IQGAP2: variants seen among roughly 807,000 people sequenced by gnomAD.
The protein encoded by IQGAP2 is ras GTPase-activating-like protein IQGAP2.
IQGAP2 carries 173 observed loss-of-function variants against 201.3 expected under a neutral mutation model. The ratio of observed to expected loss-of-function variants is 0.86; its 90% confidence interval spans 0.76 to 0.98. IQGAP2 has a LOEUF of 0.98. IQGAP2 is among the 50% of genes least tolerant of loss of function. IQGAP2 has a pLI of 0.00. For missense variants in IQGAP2, 1,687 were observed against 1,864.8 expected, an observed-to-expected ratio of 0.90 and a Z score of 1.76; for synonymous variants, 675 against 673.9, an observed-to-expected ratio of 1.00 and a Z score of -0.03.
chr5:76,546,450 T>C (rs1743100828), intron 2 of IQGAP2, among the ~76,000 whole-genome samples: 1 of 151,918 alleles, frequency 6.6e-6, no homozygotes, highest in Non-Finnish European at 1.5e-5. Flanking sequence ...AACAAAACAA[T>C]ACACCACTTT....
rs547361686 is a variant in IQGAP2 at position 76,665,028 on chromosome 5, T to C, written c.2532T>C (p.Asp844=). Reference sequence around the variant, plus strand: ...TAATCTCATCAAATTTTTTACAGGATGTAATTTCACATAGTAAAAAGCTGA... The same window carrying C: ...TAATCTCATCAAATTTTTTACAGGACGTAATTTCACATAGTAAAAAGCTGA... ...LLVKNRITLE[D]VISHSKKLNK... is the part of the protein sequence containing the mutation. The change falls in exon 22 of 36, where the codon GAT becomes GAC. Residue 844 remains aspartate (D), a splice_region_variant and synonymous_variant. Coordinates refer to ENST00000274364, the MANE Select transcript of IQGAP2 (RefSeq NM_006633.5). The C allele has an allele frequency of 8.5e-6, 13 of 1,524,700 alleles. No individual in the cohort carries two copies. In the Admixed American group the frequency reaches 1.4e-4, roughly 16 times the overall value. The allele number at this position is 1,524,700 out of a possible 1,614,324, so 94.4% of individuals were successfully genotyped here.
At chr5:76,689,231 A>T (rs73764708) in intron 30 of IQGAP2, among the ~76,000 whole-genome samples, 190 of 2,688 alleles carry the variant, frequency 0.071, 4 homozygotes, top group Non-Finnish European at 0.088. Context: ...AGGGATATTT[A>T]AAAAAAAAAA....
chr5:76,512,595 A>G (rs1051855407), intron 2 of IQGAP2, among the ~76,000 whole-genome samples: 1 of 152,228 alleles, frequency 6.6e-6, no homozygotes, highest in African/African-American at 2.4e-5. Flanking sequence ...AATTAGTACT[A>G]TAGTGAGACT....
intron 2 of IQGAP2, among the ~76,000 whole-genome samples, chr5:76,502,362 G>A (rs941872913): frequency 3.3e-5 from 5 of 152,228 alleles, no homozygotes; most frequent in Non-Finnish European, 7.3e-5. Context: ...ATTAATATAA[G>A]CATCACCTTC....
At chr5:76,408,813 G>A (rs908427019) in intron 1 of IQGAP2, among the ~76,000 whole-genome samples, 1 of 150,100 alleles carries the variant, frequency 6.7e-6, no homozygotes, top group Non-Finnish European at 1.5e-5. Flanking sequence ...TTTATTTTGA[G>A]ATGGAGTTCC....
At chr5:76,472,067 A>G (rs189951231) in intron 2 of IQGAP2, among the ~76,000 whole-genome samples, 64 of 152,308 alleles carry the variant, frequency 4.2e-4, no homozygotes, top group African/African-American at 1.5e-3. Context: ...CTGGTGGGGC[A>G]GAGGGTGCAG....
At chr5:76,504,808 C>A (rs1757510814) in intron 2 of IQGAP2, among the ~76,000 whole-genome samples, 1 of 152,198 alleles carries the variant, frequency 6.6e-6, no homozygotes, top group South Asian at 2.1e-4. Context: ...TGCTTTCCCT[C>A]TGTATTCAGT....
rs185989041 is a variant in IQGAP2, at chr5:76,582,440, A to G, written c.459-6466A>G. Among the ~76,000 whole-genome samples the G allele has an allele frequency of 2.0e-5, 3 of 152,328 alleles. No homozygotes were observed. In the East Asian group the frequency reaches 5.8e-4, roughly 29 times the overall value. Reference sequence around the variant, plus strand: ...TTACGTGACTTGCTCTTAGTCACACACTGAGGTTTTACCAGTTTTGGGACC... The same window carrying G: ...TTACGTGACTTGCTCTTAGTCACACGCTGAGGTTTTACCAGTTTTGGGACC... On this transcript the variant is annotated intron_variant, in intron 5 of 35. Transcript: ENST00000274364.
At chr5:76,606,877 G>C (rs1445580133) in intron 12 of IQGAP2, 1 of 152,214 alleles carries the variant, frequency 6.6e-6, no homozygotes, top group Non-Finnish European at 1.5e-5. Context: ...TGAAAATAGA[G>C]TGAAGAATGA....
intron 35 of IQGAP2, among the ~76,000 whole-genome samples, chr5:76,705,479 T>G (rs1036478372): frequency 1.3e-5 from 2 of 152,212 alleles, no homozygotes; most frequent in African/African-American, 2.4e-5. Flanking sequence ...GCTCCCTACT[T>G]TGGGGACCCA....
In IQGAP2 at chr5:76,668,451, T is replaced by C. The variant is rs115218811; in HGVS notation, c.2680-230T>C. On this transcript the variant is annotated intron_variant, in intron 22 of 35. Transcript: ENST00000274364. ...TATGATAGGAAGCTAAAGTAGAAAG[T>C]TATATAATATCAGTCTATAGGAAAC... Among the ~76,000 whole-genome samples the C allele has an allele frequency of 3.3e-3, 501 of 151,682 alleles. 3 individuals are homozygous for C. The highest frequency in any genetic ancestry group is 0.012 in the African/African-American group (482 of 41,466).
At chr5:76,569,366 C>T (rs1744955760) in intron 3 of IQGAP2, among the ~76,000 whole-genome samples, 1 of 151,978 alleles carries the variant, frequency 6.6e-6, no homozygotes, top group Admixed American at 6.6e-5. Context: ...ATCTTATTCA[C>T]CCACTAAAGG....
At chr5:76,618,762 T>A (rs1432230055) in intron 13 of IQGAP2, 6 of 875,704 alleles carry the variant, frequency 6.9e-6, no homozygotes, top group Non-Finnish European at 1.0e-5. Flanking sequence ...TTTTAAAAAG[T>A]TATTGTAGAT....
At chr5:76,404,189 G>C (rs1393415279) in intron 1 of IQGAP2, among the ~76,000 whole-genome samples, 1 of 151,672 alleles carries the variant, frequency 6.6e-6, no homozygotes, top group South Asian at 2.1e-4. Context: ...TTTCCCCCCC[G>C]CTCCCCTCGC....
intron 6 of IQGAP2, among the ~76,000 whole-genome samples, 163 bp from the exon 7 acceptor site, chr5:76,589,452 T>G (rs1746487811): frequency 6.6e-6 from 1 of 152,214 alleles, no homozygotes; most frequent in Non-Finnish European, 1.5e-5. Context: ...TCTCCATGTT[T>G]GTGAAATGAG....
At chr5:76,605,268 G>T (rs1747721836) in intron 11 of IQGAP2, among the ~76,000 whole-genome samples, 1 of 152,152 alleles carries the variant, frequency 6.6e-6, no homozygotes, top group Admixed American at 6.5e-5. Flanking sequence ...AAAGTAATTG[G>T]AGTGGTTGAC....
chr5:76,697,666 G>A (rs1205647963), intron 32 of IQGAP2, among the ~76,000 whole-genome samples: 2 of 152,090 alleles, frequency 1.3e-5, no homozygotes, highest in Non-Finnish European at 2.9e-5. Flanking sequence ...TTGCATTTCT[G>A]CTACTTTGTG....
chr5:76,691,433 T>C (rs562277970), intron 30 of IQGAP2: 2 of 152,342 alleles, frequency 1.3e-5, no homozygotes, highest in African/African-American at 4.8e-5. Context: ...AGTTACTATA[T>C]TGACATTTTT....
chr5:76,657,338 C>T (rs1742838282), intron 20 of IQGAP2, among the ~76,000 whole-genome samples: 1 of 152,114 alleles, frequency 6.6e-6, no homozygotes, highest in Admixed American at 6.5e-5. Context: ...TCAGTGGCAG[C>T]ATCTTTGCTG....
Sources: gnomAD v4.1 joint callset for allele counts (sites outside exome capture counted in the v4.1 genomes callset) on GRCh38, gnomAD v4.1.1 for gene constraint, MANE v1.5 for transcripts, NCBI Gene and HGNC (gene_info 2026-07-23, HGNC 2026-07-21) for gene names.